The following SMG6 variants were observed in gnomAD, a reference collection of about 807,000 sequenced individuals.
SMG6 encodes the protein telomerase-binding protein EST1A.
SMG6 carries 66 observed loss-of-function variants against 142.2 expected under a neutral mutation model. That is an observed-to-expected ratio of 0.46 (90% CI 0.38 to 0.57). SMG6 has a LOEUF of 0.57. Ranked by LOEUF, SMG6 falls within the 20% of genes least tolerant of loss-of-function variation. The probability of loss-of-function intolerance (pLI) is 0.00; values close to 1 mark genes in which losing one functional copy is unlikely to be tolerated. For missense variants in SMG6, 1,793 were observed against 1,832.0 expected (o/e 0.98, Z 0.39); for synonymous variants, 779 against 702.4 (o/e 1.11, Z -1.72).
At chr17:2,274,116 T>C (rs2074598705) in intron 8 of SMG6, among the ~76,000 whole-genome samples, 1 of 152,262 alleles carries the variant, frequency 6.6e-6, no homozygotes, top group South Asian at 2.1e-4. Context: ...GTCATGCTCA[T>C]TCATTTACAT....
chr17:2,172,858 C>T lies in SMG6; in HGVS notation c.3157G>A (p.Val1053Ile). The T allele has an allele frequency of 6.2e-7, 1 of 1,613,836 alleles. No individual in the cohort carries two copies. The highest frequency in any genetic ancestry group is 1.7e-5 in the Admixed American group (1 of 60,028). ...PPTSLDLPSH[V>I]AVDVWSTLAD... ...AGCGTCGACCATACATCCACAGCAA[C>T]ACTGTGAGAAATAAGGTAAGAAAAG... The change falls in exon 13 of 19, where the codon GTT becomes ATT. Residue 1053 changes from valine (V) to isoleucine (I), a missense_variant and splice_region_variant. Val to Ile is a conservative substitution (Grantham distance 29). Coordinates refer to ENST00000263073, the MANE Select transcript of SMG6 (RefSeq NM_017575.5).
chr17:2,125,847 G>A (rs2069857833), intron 13 of SMG6, among the ~76,000 whole-genome samples: 1 of 151,728 alleles, frequency 6.6e-6, no homozygotes, highest in African/African-American at 2.4e-5. Context: ...CAGGTACTTG[G>A]GAGGCTGAGG....
intron 9 of SMG6, chr17:2,237,087 AAAT>A (rs748235296): frequency 3.0e-4 from 39 of 130,184 alleles, no homozygotes; most frequent in Admixed American, 1.9e-3. Context: ...AAAAAAAAAA[AAAT>A]TTTTTTTTTT....
chr17:2,190,168 A>T (rs1388093727), intron 10 of SMG6, among the ~76,000 whole-genome samples: 1 of 152,194 alleles, frequency 6.6e-6, no homozygotes, highest in African/African-American at 2.4e-5. Flanking sequence ...AGTACCGCCC[A>T]GCTCAGTCCA....
chr17:2,132,038 C>T (rs2070138310), intron 13 of SMG6, among the ~76,000 whole-genome samples: 1 of 151,970 alleles, frequency 6.6e-6, no homozygotes, highest in African/African-American at 2.4e-5. Context: ...CACCACTGCA[C>T]TCCAGCATTG....
chr17:2,252,980 G>A (rs1028145638), intron 8 of SMG6, among the ~76,000 whole-genome samples: 1 of 151,762 alleles, frequency 6.6e-6, no homozygotes, highest in Non-Finnish European at 1.5e-5. Flanking sequence ...ATAAATTTCA[G>A]TTTCCATAAA....
intron 13 of SMG6, chr17:2,094,714 G>T (rs951745191): frequency 6.6e-5 from 10 of 152,088 alleles, no homozygotes; most frequent in African/African-American, 2.4e-4. Context: ...GACCCAGCTG[G>T]ATCCTTGCCT....
chr17:2,094,258 C>CT (rs948529092), intron 13 of SMG6, among the ~76,000 whole-genome samples: 1 of 152,034 alleles, frequency 6.6e-6, no homozygotes, highest in African/African-American at 2.4e-5. Context: ...AACTTTCTTT[C>CT]TTTTTTTCTG....
In SMG6 at chr17:2,238,102, C is replaced by CCT. The variant is rs1183123397; in HGVS notation, c.2724-1467_2724-1466dup. Among the ~76,000 whole-genome samples, 4 of 152,176 alleles carry CCT rather than the reference C, an allele frequency of 2.6e-5. No homozygotes were observed. The East Asian group carries it at 7.7e-4, about 29-fold the overall frequency. ...TCGGCCCTTCCCGACTGGGAAGTGTCCTCCCTGGATTAGAAAACTCCAGGT... is the reference window on the plus strand; with the variant it reads ...TCGGCCCTTCCCGACTGGGAAGTGTCCTCTCCCTGGATTAGAAAACTCCAGGT... On this transcript the variant is annotated intron_variant, in intron 9 of 18. Transcript: ENST00000263073.
chr17:2,118,522 G>A (rs569363072), intron 13 of SMG6, among the ~76,000 whole-genome samples: 1 of 151,852 alleles, frequency 6.6e-6, no homozygotes, highest in Admixed American at 6.6e-5. Flanking sequence ...CTGGGTGTAA[G>A]AGTGAGACTC....
intron 12 of SMG6, among the ~76,000 whole-genome samples, chr17:2,180,587 T>A (rs1994883): frequency 0.36 from 54,214 of 151,960 alleles, 10,386 homozygotes; most frequent in African/African-American, 0.5. Flanking sequence ...GCTGTTGTGG[T>A]TTTGACTGGA....
chr17:2,087,790 C>T (rs940884745), intron 13 of SMG6: 1 of 985,782 alleles, frequency 1.0e-6, no homozygotes, highest in Non-Finnish European at 1.2e-6. Flanking sequence ...GCACAGTGGC[C>T]TCCCTGCATC....
chr17:2,248,471 T>G (rs1191495720), intron 8 of SMG6, among the ~76,000 whole-genome samples: 1 of 152,226 alleles, frequency 6.6e-6, no homozygotes, highest in Non-Finnish European at 1.5e-5. Context: ...TGTGCTTCTA[T>G]GTGTACTTCA....
intron 6 of SMG6, among the ~76,000 whole-genome samples, chr17:2,289,078 CAAA>C (rs34494754): frequency 2.3e-4 from 20 of 87,926 alleles, no homozygotes; most frequent in Admixed American, 2.6e-4. Flanking sequence ...GACTCTGTCT[CAAA>C]AAAAAAAAAA....
intron 1 of SMG6, among the ~76,000 whole-genome samples, chr17:2,301,537 T>C (rs980943204): frequency 6.6e-6 from 1 of 152,154 alleles, no homozygotes; most frequent in Admixed American, 6.5e-5. Context: ...TTAAGAATAA[T>C]ACAGGACTTT....
rs869066817 is a variant in SMG6 at position 2,258,008 on chromosome 17, CAAAAAAAA to C, written c.2662-13297_2662-13290del. Among the ~76,000 whole-genome samples, 82 of 26,660 alleles carry C rather than the reference CAAAAAAAA, an allele frequency of 3.1e-3. 1 individual carries two copies. The highest frequency in any genetic ancestry group is 0.019 in the South Asian group (10 of 538). 17.5% of individuals were successfully genotyped at this position (26,660 alleles called of 152,430 possible). On this transcript the variant is annotated intron_variant, in intron 8 of 18. Coordinates refer to ENST00000263073, the MANE Select transcript of SMG6 (RefSeq NM_017575.5). ...TGGGCGACAAAGCGAGACTCTGTCGCAAAAAAAAAAAAAAAAAAAAAAAAAAATATACA... is the reference window on the plus strand; with the variant it reads ...TGGGCGACAAAGCGAGACTCTGTCGCAAAAAAAAAAAAAAAAAAATATACA...
chr17:2,253,695 CAAT>C (rs2074100486), intron 8 of SMG6, among the ~76,000 whole-genome samples: 1 of 152,134 alleles, frequency 6.6e-6, no homozygotes, highest in Non-Finnish European at 1.5e-5. Flanking sequence ...GTATTTCTCC[CAAT>C]GCTAAGAGCC....
chr17:2,246,832 G>C (rs1485807435), intron 8 of SMG6, among the ~76,000 whole-genome samples: 2 of 152,214 alleles, frequency 1.3e-5, no homozygotes, highest in Admixed American at 1.3e-4. Context: ...TGTAATGCCA[G>C]CTACTTGGGA....
At chr17:2,067,278 C>G (rs181550177) in intron 16 of SMG6, among the ~76,000 whole-genome samples, 1 of 152,196 alleles carries the variant, frequency 6.6e-6, no homozygotes, top group African/African-American at 2.4e-5. Flanking sequence ...CTGCCTTTCA[C>G]CGGATCAAGA....
Sources: allele counts gnomAD v4.1 joint callset (sites outside exome capture counted in the v4.1 genomes callset), GRCh38; gene constraint gnomAD v4.1.1; transcripts MANE v1.5; gene names NCBI Gene and HGNC (gene_info 2026-07-23, HGNC 2026-07-21).